The following SLC19A1 variants were observed in gnomAD, a reference collection of about 807,000 sequenced individuals.
The protein encoded by SLC19A1 is reduced folate transporter.
In SLC19A1, 37 loss-of-function variants were observed where a neutral mutation model predicts 35.3. The observed-to-expected ratio is 1.05, with a 90% CI of 0.81 to 1.38. SLC19A1 has a LOEUF of 1.38. Among genes scored for constraint, SLC19A1 ranks in the 40% most tolerant of loss-of-function variants. The pLI is 0.00. For missense variants in SLC19A1, 831 were observed against 826.9 expected (o/e 1.00, Z -0.06); for synonymous variants, 460 against 398.5 (o/e 1.15, Z -1.84).
chr21:45,515,936 G>T lies in SLC19A1; in HGVS notation c.1498C>A (p.Pro500Thr). 1 of 1,538,094 alleles carries T rather than the reference G, an allele frequency of 6.5e-7. No homozygotes were observed. Among genetic ancestry groups the T allele is most frequent in the Admixed American group, 2.1e-5 (1 of 48,282 alleles). The change falls in exon 6 of 6, where the codon CCG becomes ACG. Residue 500 changes from proline (P) to threonine (T), a missense_variant. Pro to Thr is a conservative substitution (Grantham distance 38). Transcript: ENST00000311124. Reference protein sequence around the residue: ...GLGGLQPAQSPPLSPEDSLGA... With the variant: ...GLGGLQPAQSTPLSPEDSLGA... ...AGGCTGTCTTCTGGGGAAAGCGGCG[G>T]GCTCTGGGCTGGCTGCAGGCCTCCG...
intron 3 of SLC19A1, among the ~76,000 whole-genome samples, chr21:45,503,244 C>T (rs2036962050): frequency 6.6e-6 from 1 of 151,020 alleles, no homozygotes; most frequent in South Asian, 2.1e-4. Context: ...TGTTTCCTTA[C>T]TTTTTAACGA....
At position 45,515,114 on chromosome 21, in the gene SLC19A1, T is replaced by C. The variant is rs1454416830; in HGVS notation, c.*544A>G. On this transcript the variant is annotated 3_prime_UTR_variant, in exon 6 of 6. Coordinates refer to ENST00000311124, the MANE Select transcript of SLC19A1 (RefSeq NM_194255.4). ...TGTCTGCCGCCAACCTGAGATGGCT[T>C]TTCCACAGAGACAGAGAAGCCACAT... is the stretch of plus-strand genomic sequence containing the variant. The C allele has an allele frequency of 1.3e-6, 2 of 1,542,004 alleles. No homozygotes were observed. Among genetic ancestry groups the C allele is most frequent in the Non-Finnish European group, 8.7e-7 (1 of 1,144,410 alleles).
chr21:45,515,034 G>A lies in SLC19A1; in HGVS notation c.*624C>T, dbSNP rs1568965249. 1 of 1,542,278 alleles carries A rather than the reference G, an allele frequency of 6.5e-7. No homozygotes were observed. The highest frequency in any genetic ancestry group is 2.1e-5 in the Admixed American group (1 of 48,536). ...ACCATGGAGGGCTGCCCTTAGGGTG[G>A]GAGAGAGGAACCAGCTCCGAGGACC... On this transcript the variant is annotated 3_prime_UTR_variant, in exon 6 of 6. Coordinates refer to ENST00000311124, the MANE Select transcript of SLC19A1 (RefSeq NM_194255.4).
chr21:45,545,514 G>A, upstream of SLC19A1, among the ~76,000 whole-genome samples: 1 of 151,938 alleles, frequency 6.6e-6, no homozygotes, highest in East Asian at 1.9e-4. Flanking sequence ...GCAGAACCGT[G>A]AGCCAATTAC....
At chr21:45,541,395 T>C (rs1392371439) in intron 1 of SLC19A1, among the ~76,000 whole-genome samples, 8 of 152,146 alleles carry the variant, frequency 5.3e-5, no homozygotes, top group African/African-American at 1.9e-4. Flanking sequence ...CGGGTCTCCG[T>C]AGGGGGAGGC....
chr21:45,531,431 G>A lies in SLC19A1; in HGVS notation c.907C>T (p.Arg303Trp), dbSNP rs768509922. 1.6e-5 allele frequency: 26 copies of A among 1,609,094 alleles called. No individual in the cohort carries two copies. The highest frequency in any genetic ancestry group is 5.0e-5 in the Admixed American group (3 of 59,686). ...NEVDPTTNSA[R>W]VYNGAADAAS... ...GCATCTGCCGCGCCGTTGTAGACCC[G>A]CGCACTGTTGGTGGTGGGGTCCACC... Residue 303 changes from arginine (R) to tryptophan (W), a missense_variant, in exon 3 of 6, where the codon CGG (arginine) becomes TGG (tryptophan). Coordinates refer to ENST00000311124, the MANE Select transcript of SLC19A1 (RefSeq NM_194255.4).
At chr21:45,549,698 GAGGTGGTGGGTGGTGGGGAGGGGGAT>G (rs2078446410) in intron 1 of SLC19A1, among the ~76,000 whole-genome samples, 1 of 70,472 alleles carries the variant, frequency 1.4e-5, no homozygotes, top group East Asian at 4.9e-4. Context: ...GGCAGGGGGA[GAGGTGGTGGGTGGTGGGGAGGGGGAT>G]AGGTGGTGGG....
chr21:45,504,446 C>A, intron 3 of SLC19A1: 1 of 1,611,568 alleles, frequency 6.2e-7, no homozygotes, highest in Admixed American at 1.7e-5. Flanking sequence ...TGATGCAGGA[C>A]AGAAAGGCGA....
chr21:45,540,564 A>G lies in SLC19A1; in HGVS notation c.-50+1804T>C, dbSNP rs1302361027. 6.6e-6 allele frequency among the ~76,000 whole-genome samples: 1 copy of G among 152,184 alleles called. No individual in the cohort carries two copies. Among genetic ancestry groups the G allele is most frequent in the Non-Finnish European group, 1.5e-5 (1 of 68,024 alleles). On this transcript the variant is annotated intron_variant, in intron 1 of 5. Transcript: ENST00000311124. This position sits in a 1 kb window ranked among gnomAD's most constrained non-coding sequence, Gnocchi z 5.5. ...CCTCTGCTGCCAGCATACTCAACTT[A>G]TGTGCCGTGAACGTAGCCCACTGAC...
chr21:45,554,859 T>C (rs2078527008), intron 1 of SLC19A1, among the ~76,000 whole-genome samples: 1 of 151,900 alleles, frequency 6.6e-6, no homozygotes, highest in Non-Finnish European at 1.5e-5. Flanking sequence ...TCCAGATTCA[T>C]TGAGTCCCAG....
At chr21:45,550,883 C>A in intron 1 of SLC19A1, among the ~76,000 whole-genome samples, 1 of 133,490 alleles carries the variant, frequency 7.5e-6, no homozygotes, top group Non-Finnish European at 1.6e-5. Context: ...CTCCGCCTTT[C>A]TGTCCCCTTC....
rs934341796 is a variant in SLC19A1, at chr21:45,533,792, C to T, written c.190-1644G>A. 6.6e-6 allele frequency among the ~76,000 whole-genome samples: 1 copy of T among 152,076 alleles called. No homozygotes were observed. Among genetic ancestry groups the T allele is most frequent in the Non-Finnish European group, 1.5e-5 (1 of 67,974 alleles). On this transcript the variant is annotated intron_variant, in intron 2 of 5. Transcript: ENST00000311124. The surrounding 1 kb of genome is among the most constrained non-coding windows in gnomAD (Gnocchi z 4.5). ...GCACGTGGGGTGCTGCGCCGAGCCA[C>T]GCCGCCTCCCCGGGGGCTCTCAGCC... is the stretch of plus-strand genomic sequence containing the variant.
At chr21:45,508,670 C>T (rs1011216098), downstream of SLC19A1, among the ~76,000 whole-genome samples, 3 of 152,188 alleles carry the variant, frequency 2.0e-5, no homozygotes, top group Non-Finnish European at 2.9e-5. Flanking sequence ...GGCTCCACAG[C>T]GGCCTGTCTC....
chr21:45,555,492 G>C (rs1335855774), intron 1 of SLC19A1, among the ~76,000 whole-genome samples: 4 of 129,632 alleles, frequency 3.1e-5, no homozygotes, highest in Non-Finnish European at 5.0e-5. Context: ...GGCTTGGGTG[G>C]CCATGCAGGC....
At chr21:45,557,687 C>A (rs902644658) in intron 1 of SLC19A1, among the ~76,000 whole-genome samples, 1 of 152,164 alleles carries the variant, frequency 6.6e-6, no homozygotes, top group Non-Finnish European at 1.5e-5. Context: ...GAGCCTCAAC[C>A]CTCCACCACA....
downstream of SLC19A1, chr21:45,507,667 G>A (rs919424252): frequency 5.0e-6 from 7 of 1,397,770 alleles, no homozygotes; most frequent in Non-Finnish European, 7.0e-6. Flanking sequence ...CCCTGTTTGA[G>A]GAACAACACG....
Position 45,515,293 on chromosome 21 carries a change from T to C in SLC19A1, c.*365A>G. 6.8e-7 allele frequency: 1 copy of C among 1,478,096 alleles called. No individual in the cohort carries two copies. Among genetic ancestry groups the C allele is most frequent in the Non-Finnish European group, 8.9e-7 (1 of 1,127,884 alleles). The allele number at this position is 1,478,096 out of a possible 1,614,324, so 91.6% of individuals were successfully genotyped here. A position where few individuals can be genotyped will look rare whatever the true frequency, so the allele number is the denominator to read the frequency against. On this transcript the variant is annotated 3_prime_UTR_variant, in exon 6 of 6. Transcript: ENST00000311124. ...GGGCTCACAACTCCTGTGGGGCCAGTGTCCCCTGAGCTGGTATCCAAGAGG... is the reference window on the plus strand; with the variant it reads ...GGGCTCACAACTCCTGTGGGGCCAGCGTCCCCTGAGCTGGTATCCAAGAGG...
chr21:45,542,114 C>T, intron 1 of SLC19A1, among the ~76,000 whole-genome samples: 1 of 135,294 alleles, frequency 7.4e-6, no homozygotes, highest in East Asian at 2.0e-4. Flanking sequence ...CCCCCCAGAC[C>T]CCAGGCTGCA....
chr21:45,531,936 G>C lies in SLC19A1; in HGVS notation c.402C>G (p.Ile134Met). ...GAGAGAAGATGTAGGAGGAATAGGC[G>C]ATGCGCGCGGCCATGGTGACGCTGT... The part of the protein sequence containing the change: ...LFYSVTMAAR[I>M]AYSSYIFSLV... Residue 134 changes from isoleucine (I) to methionine (M), a missense_variant, in exon 3 of 6, where the codon ATC becomes ATG. Ile to Met is a conservative substitution (Grantham distance 10, BLOSUM62 1). Coordinates refer to ENST00000311124, the MANE Select transcript of SLC19A1 (RefSeq NM_194255.4). The C allele has an allele frequency of 6.2e-7, 1 of 1,601,658 alleles. No individual in the cohort carries two copies. The highest frequency in any genetic ancestry group is 8.5e-7 in the Non-Finnish European group (1 of 1,174,934).
Sources: gnomAD v4.1 joint callset for allele counts (sites outside exome capture counted in the v4.1 genomes callset) on GRCh38, gnomAD v4.1.1 for gene constraint, Gnocchi (gnomAD v3.1) non-coding constraint, MANE v1.5 for transcripts, NCBI Gene and HGNC (gene_info 2026-07-23, HGNC 2026-07-21) for gene names.